PARD3: variants seen among roughly 807,000 people sequenced by gnomAD.
PARD3 encodes par-3 family cell polarity regulator.
PARD3 carries 75 observed loss-of-function variants against 155.4 expected under a neutral mutation model. The ratio of observed to expected loss-of-function variants is 0.48; its 90% CI spans 0.40 to 0.58. PARD3 has a LOEUF of 0.58. Ranked by LOEUF, PARD3 falls within the 20% of genes least tolerant of loss-of-function variation. The pLI, the probability that PARD3 is intolerant of heterozygous loss-of-function variation, is 0.00. For missense variants in PARD3, 1,642 were observed against 1,721.7 expected, an observed-to-expected ratio of 0.95 and a Z score of 0.82; for synonymous variants, 576 against 610.5, an observed-to-expected ratio of 0.94 and a Z score of 0.83.
intron 2 of PARD3, among the ~76,000 whole-genome samples, chr10:34,605,417 TCTC>T (rs2090163468): frequency 6.8e-6 from 1 of 147,428 alleles, no homozygotes; most frequent in South Asian, 2.1e-4. Flanking sequence ...ATGGTCTCGA[TCTC>T]CTGACCTCAT....
chr10:34,442,976 A>ATT (rs568731568), intron 5 of PARD3, among the ~76,000 whole-genome samples: 6 of 148,850 alleles, frequency 4.0e-5, no homozygotes, highest in Non-Finnish European at 6.0e-5. Context: ...GGGAAATGAG[A>ATT]TTTTTTTTTT....
chr10:34,391,360 T>TA (rs1842857098), intron 7 of PARD3, among the ~76,000 whole-genome samples: 1 of 152,234 alleles, frequency 6.6e-6, no homozygotes, highest in South Asian at 2.1e-4. Flanking sequence ...CACAGGGGCC[T>TA]AGCGCCCTCC....
intron 20 of PARD3, among the ~76,000 whole-genome samples, chr10:34,305,273 C>G (rs2134048600): frequency 6.6e-6 from 1 of 152,352 alleles, no homozygotes; most frequent in African/African-American, 2.4e-5. Flanking sequence ...CAGGTATGGG[C>G]TGGGCCCTGG....
chr10:34,220,822 G>A (rs190874983), intron 22 of PARD3, among the ~76,000 whole-genome samples: 4 of 152,280 alleles, frequency 2.6e-5, no homozygotes, highest in Admixed American at 2.6e-4. Context: ...CAAACAGTTT[G>A]AATTAGTTAA....
chr10:34,388,646 A>G (rs1202748628), intron 7 of PARD3, among the ~76,000 whole-genome samples: 1 of 152,260 alleles, frequency 6.6e-6, no homozygotes, highest in Admixed American at 6.5e-5. Context: ...TATTAGAGAA[A>G]GTAATCAAAG....
chr10:34,746,255 C>T (rs1835316409), intron 1 of PARD3, among the ~76,000 whole-genome samples: 1 of 150,882 alleles, frequency 6.6e-6, no homozygotes, highest in Non-Finnish European at 1.5e-5. Flanking sequence ...ACAGCCTGGC[C>T]AACAAAGTGA....
chr10:34,224,345 A>T (rs1348879603), intron 22 of PARD3, among the ~76,000 whole-genome samples: 1 of 152,218 alleles, frequency 6.6e-6, no homozygotes, highest in African/African-American at 2.4e-5. Context: ...AATTAGAGCA[A>T]TATTTCTTCT....
chr10:34,233,782 T>C (rs186965150), intron 22 of PARD3, among the ~76,000 whole-genome samples: 1 of 152,216 alleles, frequency 6.6e-6, no homozygotes, highest in Admixed American at 6.5e-5. Context: ...GCCTCCATGA[T>C]TCTGTCCCAG....
intron 16 of PARD3, among the ~76,000 whole-genome samples, chr10:34,339,399 T>C (rs572768162): frequency 6.6e-6 from 1 of 152,134 alleles, no homozygotes; most frequent in Admixed American, 6.5e-5. Flanking sequence ...TCAACTCCAA[T>C]ACTGCACCAA....
intron 3 of PARD3, among the ~76,000 whole-genome samples, 175 bp from the exon 4 acceptor site, chr10:34,470,438 C>T (rs896463245): frequency 5.9e-5 from 9 of 152,254 alleles, no homozygotes; most frequent in South Asian, 4.1e-4. Flanking sequence ...AAATACTACA[C>T]GGTGAAAGAG....
chr10:34,272,552 A>T (rs2099791), intron 21 of PARD3, among the ~76,000 whole-genome samples: 59,718 of 151,904 alleles, frequency 0.39, 12,783 homozygotes, highest in Middle Eastern at 0.53. Context: ...CAACACAGTA[A>T]AACCCTGTCT....
At chr10:34,277,021 T>C (rs940028226) in intron 21 of PARD3, among the ~76,000 whole-genome samples, 3 of 152,324 alleles carry the variant, frequency 2.0e-5, no homozygotes, top group African/African-American at 2.4e-5. Context: ...TTCAAAACAA[T>C]GTTCAGGATC....
intron 1 of PARD3, among the ~76,000 whole-genome samples, chr10:34,748,781 CAGGCACTGCAGCAGTAGAGGTGGGTGATG>C (rs1835630406): frequency 6.6e-6 from 1 of 152,160 alleles, no homozygotes; most frequent in Non-Finnish European, 1.5e-5. Context: ...TGCTGCAGTG[CAGGCACTGCAGCAGTAGAGGTGGGTGATG>C]GTGCCTTCTA....
intron 3 of PARD3, among the ~76,000 whole-genome samples, chr10:34,509,402 GC>G (rs1240465663): frequency 1.3e-5 from 2 of 152,126 alleles, no homozygotes; most frequent in Non-Finnish European, 2.9e-5. Context: ...ATGGTCAACA[GC>G]CCCAAAGCCA....
At chr10:34,400,976 C>T (rs1033422760) in intron 6 of PARD3, among the ~76,000 whole-genome samples, 1 of 152,108 alleles carries the variant, frequency 6.6e-6, no homozygotes, top group Non-Finnish European at 1.5e-5. Context: ...TATGGCATGG[C>T]AAGTACTTTA....
At chr10:34,468,567 A>G (rs1436570314) in intron 4 of PARD3, among the ~76,000 whole-genome samples, 2 of 152,222 alleles carry the variant, frequency 1.3e-5, no homozygotes, top group Admixed American at 6.5e-5. Context: ...ACTGCAAGAT[A>G]AAGTCCTCAA....
At chr10:34,527,553 G>T (rs962612189) in intron 2 of PARD3, among the ~76,000 whole-genome samples, 8 of 152,166 alleles carry the variant, frequency 5.3e-5, no homozygotes, top group African/African-American at 1.9e-4. Context: ...AGTAGAACTA[G>T]GAGTTGCTGC....
chr10:34,600,092 T>C (rs2089627563), intron 2 of PARD3, among the ~76,000 whole-genome samples: 1 of 150,002 alleles, frequency 6.7e-6, no homozygotes, highest in African/African-American at 2.5e-5. Flanking sequence ...CCCAGCACTT[T>C]GGGAGGCCGA....
chr10:34,751,429 C>T (rs983433277), intron 1 of PARD3, among the ~76,000 whole-genome samples: 3 of 152,136 alleles, frequency 2.0e-5, no homozygotes, highest in African/African-American at 4.8e-5. Flanking sequence ...TAAGATTTCC[C>T]GTTTATCTAT....
Sources: gnomAD v4.1 joint callset for allele counts (sites outside exome capture counted in the v4.1 genomes callset) on GRCh38, gnomAD v4.1.1 for gene constraint, MANE v1.5 for transcripts, NCBI Gene and HGNC (gene_info 2026-07-23, HGNC 2026-07-21) for gene names.